ACTN4: variants seen among roughly 807,000 people sequenced by gnomAD.
The protein encoded by ACTN4 is actinin alpha 4.
Under a neutral mutation model 114.2 loss-of-function variants are expected in ACTN4, and 18 were observed. That is an observed-to-expected ratio of 0.16 (90% CI 0.11 to 0.23). The LOEUF (loss-of-function observed/expected upper bound fraction) is 0.23. Ranked by LOEUF, ACTN4 falls within the 10% of genes least tolerant of loss-of-function variation. The pLI is 1.00. For synonymous variants in ACTN4, 515 were observed against 506.3 expected (o/e 1.02, Z -0.23); for missense variants, 722 against 1,262.9 (o/e 0.57, Z 6.49).
intron 1 of ACTN4, among the ~76,000 whole-genome samples, chr19:38,672,415 A>G (rs1967159563): frequency 6.8e-6 from 1 of 146,920 alleles, no homozygotes. Flanking sequence ...TAATTTTTGT[A>G]TTTTTAGTAG....
chr19:38,723,881 C>G, intron 13 of ACTN4, 56 bp from the exon 14 acceptor site: 1 of 1,594,198 alleles, frequency 6.3e-7, no homozygotes, highest in Non-Finnish European at 8.6e-7. Context: ...ACCCCTCCTG[C>G]TCACATACTG....
At chr19:38,720,884 C>G (rs541970580) in intron 11 of ACTN4, among the ~76,000 whole-genome samples, 2 of 152,362 alleles carry the variant, frequency 1.3e-5, no homozygotes, top group Non-Finnish European at 2.9e-5. Flanking sequence ...GGCATTTTCC[C>G]TGCGGTTCCC....
intron 1 of ACTN4, among the ~76,000 whole-genome samples, chr19:38,671,212 CA>C (rs1967118092): frequency 6.6e-6 from 1 of 152,190 alleles, no homozygotes; most frequent in African/African-American, 2.4e-5. Context: ...CCCCCTTTCC[CA>C]TCACCATAGA....
At chr19:38,655,551 C>T (rs1045547867) in intron 1 of ACTN4, among the ~76,000 whole-genome samples, 4 of 152,190 alleles carry the variant, frequency 2.6e-5, no homozygotes, top group Non-Finnish European at 4.4e-5. Context: ...GTGGGCAGGG[C>T]AGCACCTTGT....
Position 38,728,012 on chromosome 19 carries a change from G to C in ACTN4, c.2404G>C (p.Glu802Gln). 1 of 1,612,886 alleles carries C rather than the reference G, an allele frequency of 6.2e-7. No homozygotes were observed. Among genetic ancestry groups the C allele is most frequent in the South Asian group, 1.1e-5 (1 of 90,976 alleles). The stretch of plus-strand genomic sequence containing the variant: ...CCTCATCAGCCTGGGCTACGACGTG[G>C]AGAACGACCGGCAGGTACTGCACCC... ...ACLISLGYDVENDRQGEAEFN... is the reference protein window; with the variant it reads ...ACLISLGYDVQNDRQGEAEFN... Residue 802 changes from glutamate to glutamine, a missense_variant, in exon 19 of 21, where the codon GAG (glutamate) becomes CAG (glutamine). Glu to Gln is a conservative substitution (Grantham distance 29). Coordinates refer to ENST00000252699, the MANE Select transcript of ACTN4 (RefSeq NM_004924.6).
chr19:38,647,941 G>A, intron 1 of ACTN4, 34 bp downstream of exon 1: 1 of 1,445,854 alleles, frequency 6.9e-7, no homozygotes, highest in Non-Finnish European at 9.1e-7. Context: ...GGCTGGAGGG[G>A]CTTTTCTGAG....
At position 38,727,849 on chromosome 19, in the gene ACTN4, G is replaced by C; in HGVS notation, c.2338-97G>C. 1 of 1,143,422 alleles carries C rather than the reference G, an allele frequency of 8.7e-7. No homozygotes were observed. Among genetic ancestry groups the C allele is most frequent in the Admixed American group, 1.9e-5 (1 of 51,910 alleles). 70.8% of individuals were successfully genotyped at this position (1,143,422 alleles called of 1,614,324 possible). A position where few individuals can be genotyped will look rare whatever the true frequency, so the allele number is the denominator to read the frequency against. Reference sequence around the variant, plus strand: ...CTAACTCTGTGTTTCCCTCCCCTACGTGTCCCTTCCCCCTGCCCTCTGCAT... The same window carrying C: ...CTAACTCTGTGTTTCCCTCCCCTACCTGTCCCTTCCCCCTGCCCTCTGCAT... On this transcript the variant is annotated intron_variant, in intron 18 of 20. Coordinates refer to ENST00000252699, the MANE Select transcript of ACTN4 (RefSeq NM_004924.6). The surrounding 1 kb of genome is among the most constrained non-coding windows in gnomAD (Gnocchi z 5.4).
At chr19:38,669,513 A>AC (rs1166032091) in intron 1 of ACTN4, among the ~76,000 whole-genome samples, 1 of 152,164 alleles carries the variant, frequency 6.6e-6, no homozygotes, top group African/African-American at 2.4e-5. Flanking sequence ...TTGAAGCTGC[A>AC]AGCATGCTGT....
intron 1 of ACTN4, among the ~76,000 whole-genome samples, chr19:38,655,996 G>A (rs765820473): frequency 2.2e-4 from 34 of 152,006 alleles, no homozygotes; most frequent in Admixed American, 1.2e-3. Context: ...CAGTATTTTC[G>A]ATCCATTGTT....
intron 1 of ACTN4, among the ~76,000 whole-genome samples, chr19:38,663,353 G>A (rs968090270): frequency 3.3e-5 from 5 of 152,198 alleles, no homozygotes; most frequent in East Asian, 1.9e-4. Flanking sequence ...GCTCTGTGCC[G>A]AGCCTTTAGG....
In ACTN4 at chr19:38,728,191, G is replaced by A. The variant is rs944424415; in HGVS notation, c.2418+165G>A. On this transcript the variant is annotated intron_variant, in intron 19 of 20. Coordinates refer to ENST00000252699, the MANE Select transcript of ACTN4 (RefSeq NM_004924.6). ...CCCTGGACCCCTTCCCTTTTACCTG[G>A]TCTCTTGGGGCCGCTGTCTCCCTGC... is the stretch of plus-strand genomic sequence containing the variant. 9.9e-6 allele frequency: 13 copies of A among 1,316,512 alleles called. No individual in the cohort carries two copies. In the African/African-American group the frequency reaches 1.3e-4, roughly 13 times the overall value. The allele number at this position is 1,316,512 out of a possible 1,614,324, so 81.6% of individuals were successfully genotyped here.
chr19:38,678,779 C>G (rs1166669760), intron 1 of ACTN4, among the ~76,000 whole-genome samples: 2 of 152,162 alleles, frequency 1.3e-5, no homozygotes, highest in Admixed American at 1.3e-4. Context: ...GTGTGTTACC[C>G]CAAGTCCTTG....
chr19:38,712,898 G>A (rs1968706895), intron 8 of ACTN4, among the ~76,000 whole-genome samples: 1 of 152,190 alleles, frequency 6.6e-6, no homozygotes, highest in Non-Finnish European at 1.5e-5. Flanking sequence ...TGGCAGGCAA[G>A]CCCAGGACAG....
At chr19:38,669,131 C>A (rs184249949) in intron 1 of ACTN4, among the ~76,000 whole-genome samples, 5 of 152,124 alleles carry the variant, frequency 3.3e-5, no homozygotes, top group African/African-American at 1.2e-4. Flanking sequence ...GGATTACAGA[C>A]GCCTGCCACC....
chr19:38,704,671 A>T (rs1968396585), intron 3 of ACTN4, among the ~76,000 whole-genome samples: 1 of 150,698 alleles, frequency 6.6e-6, no homozygotes, highest in African/African-American at 2.4e-5. Context: ...CAGGAGAAGG[A>T]GCTGGCTGCG....
intron 5 of ACTN4, among the ~76,000 whole-genome samples, chr19:38,706,833 C>T (rs1968476077): frequency 6.6e-6 from 1 of 152,226 alleles, no homozygotes; most frequent in African/African-American, 2.4e-5. Context: ...GCCTCAGCTC[C>T]ACCATGAACC....
chr19:38,728,500 C>T (rs924231947), intron 19 of ACTN4: 276 of 718,154 alleles, frequency 3.8e-4, no homozygotes, highest in Non-Finnish European at 5.0e-4. Flanking sequence ...TCCTCGGGGA[C>T]ACTCCTCCGC....
chr19:38,722,558 G>A (rs1248054137), intron 12 of ACTN4, among the ~76,000 whole-genome samples: 2 of 152,212 alleles, frequency 1.3e-5, no homozygotes. Context: ...CTACTGTCCG[G>A]GTGCTTTGAG....
intron 8 of ACTN4, among the ~76,000 whole-genome samples, chr19:38,712,626 G>A (rs560381464): frequency 2.6e-4 from 40 of 152,088 alleles, no homozygotes; most frequent in Middle Eastern, 3.4e-3. Flanking sequence ...TAGAGGGCAC[G>A]GGCCAGGAGG....
Sources: gnomAD v4.1 joint callset for allele counts (sites outside exome capture counted in the v4.1 genomes callset) on GRCh38, gnomAD v4.1.1 for gene constraint, Gnocchi (gnomAD v3.1) non-coding constraint, MANE v1.5 for transcripts, NCBI Gene and HGNC (gene_info 2026-07-23, HGNC 2026-07-21) for gene names.